TUSC3: variants seen among roughly 807,000 people sequenced by gnomAD.
The protein encoded by TUSC3 is dolichyl-diphosphooligosaccharide--protein glycosyltransferase subunit TUSC3.
Under a neutral mutation model 44.8 loss-of-function variants are expected in TUSC3, and 45 were observed. That is an observed-to-expected ratio of 1.00 (90% CI 0.79 to 1.29). The LOEUF is 1.29. Ranked by LOEUF, TUSC3 falls within the 50% of genes most tolerant of loss-of-function variation. The pLI is 0.00. For missense variants in TUSC3, 519 were observed against 437.9 expected, an observed-to-expected ratio of 1.19 and a Z score of -1.65; for synonymous variants, 212 against 152.9, an observed-to-expected ratio of 1.39 and a Z score of -2.85.
At chr8:15,641,739 G>C (rs1002414109) in intron 2 of TUSC3, among the ~76,000 whole-genome samples, 2 of 152,198 alleles carry the variant, frequency 1.3e-5, no homozygotes, top group African/African-American at 2.4e-5. Context: ...CACAAGTACA[G>C]ATTTTCAAAA....
upstream of TUSC3, among the ~76,000 whole-genome samples, chr8:15,535,946 T>C (rs1054123815): frequency 5.9e-5 from 9 of 152,312 alleles, no homozygotes; most frequent in East Asian, 1.7e-3. Flanking sequence ...CGGCCTTGAA[T>C]GCAGCCCAAT....
chr8:15,847,658 T>C, the TUSC3 span, among the ~76,000 whole-genome samples: 2 of 152,194 alleles, frequency 1.3e-5, no homozygotes, highest in Non-Finnish European at 2.9e-5. Flanking sequence ...TTTTAAGCTT[T>C]GTGATCTTCA....
At chr8:15,468,689 G>C (rs1033388721) in intron 1 of TUSC3, among the ~76,000 whole-genome samples, 1 of 152,082 alleles carries the variant, frequency 6.6e-6, no homozygotes, top group African/African-American at 2.4e-5. Context: ...GGCCAGGCTA[G>C]AGACTTCTAG....
chr8:15,839,336 G>T, the TUSC3 span, among the ~76,000 whole-genome samples: 2 of 149,764 alleles, frequency 1.3e-5, no homozygotes, highest in Non-Finnish European at 2.9e-5. Flanking sequence ...TTTTCCTAAT[G>T]GAATACCCTT....
At chr8:15,741,622 G>A (rs1373300373) in intron 7 of TUSC3, among the ~76,000 whole-genome samples, 2 of 152,006 alleles carry the variant, frequency 1.3e-5, no homozygotes, top group African/African-American at 4.8e-5. Context: ...GGGAGGCAGA[G>A]GTTGCAGTGA....
rs73104633 is a variant in TUSC3, at chr8:15,428,190, A to T, written n.91+10885A>T. Among the ~76,000 whole-genome samples, 1,004 of 137,302 alleles carry T rather than the reference A, an allele frequency of 7.3e-3. 11 individuals are homozygous for T. The highest frequency in any genetic ancestry group is 0.026 in the African/African-American group (942 of 36,182). The allele number at this position is 137,302 out of a possible 152,430, so 90.1% of individuals were successfully genotyped here. Reference sequence around the variant, plus strand: ...TGTGTCCATGTGTTCTCATTGTTCAATTCCCACCTATGAGTGAGAACATGT... The same window carrying T: ...TGTGTCCATGTGTTCTCATTGTTCATTTCCCACCTATGAGTGAGAACATGT... On this transcript the variant is annotated intron_variant and non_coding_transcript_variant, in intron 1 of 5. Transcript: ENST00000503191.
chr8:15,697,231 C>A (rs568406753), intron 6 of TUSC3, among the ~76,000 whole-genome samples: 2 of 152,220 alleles, frequency 1.3e-5, no homozygotes, highest in South Asian at 4.2e-4. Flanking sequence ...AAAGAACCAG[C>A]TTTTTGTTTC....
At chr8:15,516,582 AG>A (rs1436857352) in intron 2 of TUSC3, among the ~76,000 whole-genome samples, 1 of 152,186 alleles carries the variant, frequency 6.6e-6, no homozygotes, top group Non-Finnish European at 1.5e-5. Flanking sequence ...TGGAACTGAA[AG>A]CATTTGGCCC....
At chr8:15,787,984 A>G in the TUSC3 span, among the ~76,000 whole-genome samples, 1 of 152,204 alleles carries the variant, frequency 6.6e-6, no homozygotes, top group Non-Finnish European at 1.5e-5. Flanking sequence ...TTATTTATAA[A>G]GGATAATTCT....
chr8:15,533,382 A>G (rs559659630), intron 2 of TUSC3, among the ~76,000 whole-genome samples: 42 of 152,346 alleles, frequency 2.8e-4, no homozygotes, highest in Non-Finnish European at 4.6e-4. Context: ...CAGAGGAAGC[A>G]ATCAGATATC....
intron 6 of TUSC3, among the ~76,000 whole-genome samples, chr8:15,704,119 A>G (rs1252502775): frequency 6.6e-6 from 1 of 152,092 alleles, no homozygotes; most frequent in Admixed American, 6.6e-5. Context: ...ATGCTTTTTT[A>G]TACAGGGTTC....
At chr8:15,604,400 T>A (rs1448297366) in intron 1 of TUSC3, among the ~76,000 whole-genome samples, 1 of 151,802 alleles carries the variant, frequency 6.6e-6, no homozygotes, top group Admixed American at 6.6e-5. Flanking sequence ...TATTCGATGA[T>A]AATTGTCATT....
At chr8:15,466,464 G>GA (rs760990719) in intron 1 of TUSC3, among the ~76,000 whole-genome samples, 3 of 151,686 alleles carry the variant, frequency 2.0e-5, no homozygotes, top group African/African-American at 7.3e-5. Flanking sequence ...CCCAATGTAG[G>GA]AAAAAAATGC....
At chr8:15,512,734 C>G (rs1453934682) in intron 2 of TUSC3, among the ~76,000 whole-genome samples, 3 of 151,556 alleles carry the variant, frequency 2.0e-5, no homozygotes, top group African/African-American at 7.3e-5. Flanking sequence ...GATTGCAGCA[C>G]TGCATTACAG....
rs11774061 is a variant in TUSC3 at position 15,567,483 on chromosome 8, A to G, written c.138+26915A>G. Among the ~76,000 whole-genome samples, 594 of 152,332 alleles carry G rather than the reference A, an allele frequency of 3.9e-3. 3 individuals are homozygous for G. The highest frequency in any genetic ancestry group is 6.4e-3 in the Non-Finnish European group (432 of 68,020). Reference sequence around the variant, plus strand: ...ATTTAAAATAGTAGCAAACATTTTCACATACTTAAGATTCCTCTTAAATAG... The same window carrying G: ...ATTTAAAATAGTAGCAAACATTTTCGCATACTTAAGATTCCTCTTAAATAG... On this transcript the variant is annotated intron_variant, in intron 1 of 10. Transcript: ENST00000503731.
chr8:15,677,846 G>A (rs1030562915), intron 6 of TUSC3, among the ~76,000 whole-genome samples: 3 of 152,230 alleles, frequency 2.0e-5, no homozygotes, highest in African/African-American at 7.2e-5. Flanking sequence ...GGAACAGAAA[G>A]AGAAAGACAG....
chr8:15,757,621 G>C (rs964491810), intron 9 of TUSC3, among the ~76,000 whole-genome samples, 170 bp from the exon 10 acceptor site: 2 of 152,170 alleles, frequency 1.3e-5, no homozygotes, highest in African/African-American at 4.8e-5. Context: ...AGGATTTAGA[G>C]ATGATTAAGA....
intron 2 of TUSC3, among the ~76,000 whole-genome samples, chr8:15,648,016 G>T (rs974441934): frequency 6.6e-6 from 1 of 152,114 alleles, no homozygotes; most frequent in Non-Finnish European, 1.5e-5. Context: ...ACTGGGAAAT[G>T]ATTTTAATTT....
At chr8:15,591,218 G>A (rs987171073) in intron 1 of TUSC3, among the ~76,000 whole-genome samples, 16 of 151,866 alleles carry the variant, frequency 1.1e-4, no homozygotes, top group African/African-American at 3.9e-4. Context: ...TTAATCATTT[G>A]GGGTTTTAAT....
Sources: gnomAD v4.1 joint callset for allele counts (sites outside exome capture counted in the v4.1 genomes callset) on GRCh38, gnomAD v4.1.1 for gene constraint, MANE v1.5 for transcripts, NCBI Gene and HGNC (gene_info 2026-07-23, HGNC 2026-07-21) for gene names.